The following PEAK1 variants were observed in gnomAD, a reference collection of about 807,000 sequenced individuals.
PEAK1 encodes inactive tyrosine-protein kinase PEAK1.
In PEAK1, 54 loss-of-function variants were observed where a neutral mutation model predicts 124.7. The ratio of observed to expected loss-of-function variants is 0.43; its 90% CI spans 0.35 to 0.54. PEAK1 has a LOEUF of 0.54. PEAK1 is among the 20% of genes least tolerant of loss of function. The probability of loss-of-function intolerance (pLI) is 0.01; values close to 1 mark genes in which losing one functional copy is unlikely to be tolerated. For missense variants in PEAK1, 2,046 were observed against 2,134.5 expected (o/e 0.96, Z 0.82); for synonymous variants, 719 against 760.0 (o/e 0.95, Z 0.89).
Position 77,346,769 on chromosome 15 carries a change from G to C in PEAK1, c.-603+18394C>G, listed in dbSNP as rs7163875. 2.1e-3 allele frequency: 2,095 copies of C among 975,372 alleles called. 40 individuals carry two copies. The African/African-American group carries it at 0.034, about 16-fold the overall frequency. The allele number at this position is 975,372 out of a possible 1,614,324, so 60.4% of individuals were successfully genotyped here. ...CTGGTAGAAAAAATATTCATTCATT[G>C]GTCACTCAGTAAATATTTACTGAAA... is the stretch of plus-strand genomic sequence containing the variant. On this transcript the variant is annotated intron_variant, in intron 2 of 9. Transcript: ENST00000682557.
At chr15:77,296,604 ACT>A (rs1008701083) in intron 2 of PEAK1, among the ~76,000 whole-genome samples, 1 of 151,458 alleles carries the variant, frequency 6.6e-6, no homozygotes, top group African/African-American at 2.4e-5. Flanking sequence ...ACAGAGTGAG[ACT>A]CTGTCTCAAA....
chr15:77,214,636 A>G (rs959966565), intron 6 of PEAK1, among the ~76,000 whole-genome samples: 1 of 151,892 alleles, frequency 6.6e-6, no homozygotes, highest in African/African-American at 2.4e-5. Flanking sequence ...AAAAAAAAAA[A>G]AAGAAAAGAA....
intron 6 of PEAK1, among the ~76,000 whole-genome samples, chr15:77,216,558 G>C (rs1339839637): frequency 1.3e-5 from 2 of 152,302 alleles, no homozygotes; most frequent in East Asian, 1.9e-4. Context: ...AAAGAAATCA[G>C]TAGTTTACAA....
At chr15:77,197,771 C>A (rs1341015031) in intron 6 of PEAK1, among the ~76,000 whole-genome samples, 2 of 152,096 alleles carry the variant, frequency 1.3e-5, no homozygotes, top group Middle Eastern at 3.2e-3. Flanking sequence ...TCTAAGTAGA[C>A]CACGACAATT....
intron 6 of PEAK1, among the ~76,000 whole-genome samples, chr15:77,192,168 G>A (rs868061989): frequency 6.6e-6 from 1 of 152,198 alleles, no homozygotes; most frequent in African/African-American, 2.4e-5. Flanking sequence ...ACTGCAAGTG[G>A]TTTAGTGAGA....
intron 9 of PEAK1, among the ~76,000 whole-genome samples, chr15:77,116,710 AT>A (rs2051414215): frequency 2.0e-5 from 1 of 50,834 alleles, no homozygotes; most frequent in Non-Finnish European, 4.7e-5. Flanking sequence ...CAATCTATCT[AT>A]CTATCTATCT....
chr15:77,154,224 C>T (rs564410241), intron 8 of PEAK1, among the ~76,000 whole-genome samples: 2 of 152,306 alleles, frequency 1.3e-5, no homozygotes, highest in South Asian at 2.1e-4. Flanking sequence ...CAATTGATCC[C>T]TTTACCATTA....
intron 2 of PEAK1, among the ~76,000 whole-genome samples, chr15:77,321,339 A>G (rs2065202463): frequency 6.6e-6 from 1 of 152,114 alleles, no homozygotes; most frequent in Admixed American, 6.5e-5. Flanking sequence ...CTGACTTTTT[A>G]ATGATCGCCA....
At chr15:77,217,930 A>C (rs887555615) in intron 6 of PEAK1, among the ~76,000 whole-genome samples, 3 of 152,204 alleles carry the variant, frequency 2.0e-5, no homozygotes, top group Non-Finnish European at 4.4e-5. Context: ...TGTGTATTGC[A>C]AATATATAGA....
intron 8 of PEAK1, among the ~76,000 whole-genome samples, chr15:77,151,831 C>T (rs1301229762): frequency 1.3e-5 from 2 of 152,088 alleles, no homozygotes; most frequent in Admixed American, 6.6e-5. Context: ...AGATATGTGG[C>T]GTTATTTCTG....
chr15:77,380,574 G>A (rs1014618832), intron 1 of PEAK1, among the ~76,000 whole-genome samples: 2 of 152,094 alleles, frequency 1.3e-5, no homozygotes, highest in African/African-American at 4.8e-5. Flanking sequence ...GACCTCCCAG[G>A]CTCAAGTGAT....
intron 7 of PEAK1, among the ~76,000 whole-genome samples, chr15:77,162,337 T>C (rs575659042): frequency 6.6e-6 from 1 of 151,552 alleles, no homozygotes; most frequent in South Asian, 2.1e-4. Flanking sequence ...CTACTAAAAA[T>C]ACAAAAATTA....
chr15:77,375,654 G>A (rs1247822973), intron 1 of PEAK1, among the ~76,000 whole-genome samples: 1 of 152,116 alleles, frequency 6.6e-6, no homozygotes, highest in Non-Finnish European at 1.5e-5. Flanking sequence ...TAAGCACTTA[G>A]ATCCACAAGT....
chr15:77,313,678 G>GTATATATATATATATA, intron 2 of PEAK1, among the ~76,000 whole-genome samples: 1 of 118,532 alleles, frequency 8.4e-6, no homozygotes, highest in African/African-American at 3.9e-5. Flanking sequence ...GTGTGTGTGT[G>GTATATATATATATATA]TGTGTGTGTG....
intron 2 of PEAK1, among the ~76,000 whole-genome samples, chr15:77,356,251 T>C (rs1166762697): frequency 1.3e-5 from 2 of 152,236 alleles, no homozygotes; most frequent in African/African-American, 4.8e-5. Context: ...CTGAGTATTT[T>C]ATCATAAAAT....
intron 7 of PEAK1, among the ~76,000 whole-genome samples, chr15:77,164,426 G>A (rs2055923144): frequency 6.6e-6 from 1 of 152,164 alleles, no homozygotes. Context: ...GGGAAGACTG[G>A]CAGCAATGTG....
chr15:77,123,182 T>G (rs2052072824), intron 9 of PEAK1, among the ~76,000 whole-genome samples: 1 of 152,188 alleles, frequency 6.6e-6, no homozygotes, highest in Non-Finnish European at 1.5e-5. Flanking sequence ...CTATCCCAAT[T>G]CTGGAACTGT....
At chr15:77,157,275 C>T (rs1567042661) in intron 8 of PEAK1, 2 of 152,200 alleles carry the variant, frequency 1.3e-5, no homozygotes, top group African/African-American at 4.8e-5. Context: ...CACTGGTTTC[C>T]AAACAGTCTA....
chr15:77,255,345 A>T, intron 5 of PEAK1: 1 of 975,348 alleles, frequency 1.0e-6, no homozygotes, highest in Non-Finnish European at 1.2e-6. Flanking sequence ...TTGGGTTCTG[A>T]CTCTCCATTT....
Sources: gnomAD v4.1 joint callset for allele counts (sites outside exome capture counted in the v4.1 genomes callset) on GRCh38, gnomAD v4.1.1 for gene constraint, MANE v1.5 for transcripts, NCBI Gene and HGNC (gene_info 2026-07-23, HGNC 2026-07-21) for gene names.